The following PCM1 variants were observed in gnomAD, a reference collection of about 807,000 sequenced individuals.
PCM1 encodes the protein pericentriolar material 1.
In PCM1, 157 loss-of-function variants were observed where a neutral mutation model predicts 241.9. That is an observed-to-expected ratio of 0.65 (90% CI 0.57 to 0.74). PCM1 has a LOEUF of 0.74. Among genes scored for constraint, PCM1 ranks in the 30% least tolerant of loss-of-function variants. The pLI, the probability that PCM1 is intolerant of heterozygous loss-of-function variation, is 0.00. For synonymous variants in PCM1, 1,085 were observed against 784.9 expected, an observed-to-expected ratio of 1.38 and a Z score of -6.39; for missense variants, 3,478 against 2,360.1, an observed-to-expected ratio of 1.47 and a Z score of -9.81.
intron 1 of PCM1, 113 bp from the exon 2 acceptor site, chr8:17,924,600 C>G (rs2056158445): frequency 1.3e-5 from 2 of 152,066 alleles, no homozygotes; most frequent in African/African-American, 4.8e-5. Context: ...ATATTTTTCC[C>G]CTTCTTTTGA....
At position 17,959,625 on chromosome 8, in the gene PCM1, T is replaced by G. The variant is rs1014768450; in HGVS notation, c.2041-389T>G. ...ATTTCCGTATGTATTTATATTTCTA[T>G]ATGTATAGAATTTTTGATATGTATT... On this transcript the variant is annotated intron_variant, in intron 13 of 38. Coordinates refer to ENST00000325083, the MANE Select transcript of PCM1 (RefSeq NM_006197.4). 3.3e-5 allele frequency among the ~76,000 whole-genome samples: 5 copies of G among 152,170 alleles called. 1 individual carries two copies. In the South Asian group the frequency reaches 8.3e-4, roughly 25 times the overall value.
chr8:18,005,372 T>TTA (rs1554755211), intron 29 of PCM1, among the ~76,000 whole-genome samples: 2 of 151,206 alleles, frequency 1.3e-5, no homozygotes, highest in African/African-American at 4.9e-5. Flanking sequence ...TTTTTTTTTT[T>TTA]AAATCGCCTG....
intron 7 of PCM1, among the ~76,000 whole-genome samples, chr8:17,947,672 G>A (rs553905159): frequency 1.3e-5 from 2 of 152,194 alleles, no homozygotes; most frequent in East Asian, 1.9e-4. Flanking sequence ...CTCATGATGC[G>A]TTTATTTCCT....
chr8:18,000,115 A>G (rs148888393), intron 29 of PCM1, among the ~76,000 whole-genome samples: 48 of 152,328 alleles, frequency 3.2e-4, no homozygotes, highest in African/African-American at 1.1e-3. Context: ...ATGAGGGAAC[A>G]TTTAAGTAGA....
chr8:17,992,501 A>G (rs922207917), intron 28 of PCM1, among the ~76,000 whole-genome samples: 5 of 151,860 alleles, frequency 3.3e-5, no homozygotes, highest in African/African-American at 1.2e-4. Flanking sequence ...TTTCCTGATA[A>G]TTAGTGATGT....
chr8:17,956,837 G>T, intron 11 of PCM1, 60 bp downstream of exon 11: 4 of 1,285,030 alleles, frequency 3.1e-6, no homozygotes, highest in Non-Finnish European at 4.4e-6. Context: ...TACTTATAAT[G>T]TGGGAACAAA....
chr8:17,961,294 T>G (rs984199243), intron 15 of PCM1, among the ~76,000 whole-genome samples: 72 of 149,822 alleles, frequency 4.8e-4, no homozygotes, highest in Non-Finnish European at 7.8e-4. Flanking sequence ...TCCCAGAGTT[T>G]ATTGGCTAGC....
At chr8:17,990,436 A>G (rs894523653) in intron 27 of PCM1, among the ~76,000 whole-genome samples, 3 of 151,162 alleles carry the variant, frequency 2.0e-5, no homozygotes, top group South Asian at 2.1e-4. Context: ...ACCTCAAGTA[A>G]TTCTCAGGCA....
Position 17,952,982 on chromosome 8 carries a change from C to G in PCM1, c.1084C>G (p.Pro362Ala). Residue 362 changes from proline (P) to alanine (A), a missense_variant, in exon 9 of 39, where the codon CCA becomes GCA. Physicochemically the swap from Pro to Ala is conservative, Grantham distance 27. Transcript: ENST00000325083. ...QLRDSQPPAV[P>A]DNRRQAESLS... ...TTTTTTTAATAAGCCTCCAGCTGTT[C>G]CAGACAATAGAAGACAGGCAGAAAG... 1 of 1,583,318 alleles carries G rather than the reference C, an allele frequency of 6.3e-7. No individual in the cohort carries two copies. The highest frequency in any genetic ancestry group is 1.7e-4 in the Middle Eastern group (1 of 5,952).
At chr8:18,026,113 G>C (rs954678038) in intron 38 of PCM1, among the ~76,000 whole-genome samples, 3 of 133,314 alleles carry the variant, frequency 2.3e-5, no homozygotes, top group Non-Finnish European at 3.1e-5. Context: ...GCGGTGAGCT[G>C]AGATAGCGCC....
At chr8:18,019,065 T>A (rs62498203) in intron 36 of PCM1, among the ~76,000 whole-genome samples, 69,855 of 151,200 alleles carry the variant, frequency 0.46, 17,679 homozygotes, top group Middle Eastern at 0.59. Context: ...AGTGTAATCT[T>A]TCTTTCCTCT....
intron 3 of PCM1, among the ~76,000 whole-genome samples, chr8:17,936,422 T>C (rs1563672450): frequency 6.6e-6 from 1 of 152,228 alleles, no homozygotes; most frequent in Non-Finnish European, 1.5e-5. Context: ...AGTGGGAATT[T>C]ACAGACCTTT....
chr8:17,974,920 A>T (rs1204117577), intron 23 of PCM1, among the ~76,000 whole-genome samples: 2 of 152,004 alleles, frequency 1.3e-5, no homozygotes, highest in Non-Finnish European at 2.9e-5. Flanking sequence ...GCAGAATCAA[A>T]CTATACATAG....
chr8:17,994,954 T>C (rs2086130941), intron 29 of PCM1, among the ~76,000 whole-genome samples: 1 of 151,484 alleles, frequency 6.6e-6, no homozygotes, highest in African/African-American at 2.5e-5. Context: ...GGTTTGCACA[T>C]ATTTTCTCTC....
intron 23 of PCM1, among the ~76,000 whole-genome samples, chr8:17,973,800 T>C (rs185821605): frequency 8.7e-4 from 133 of 152,236 alleles, no homozygotes; most frequent in African/African-American, 3.0e-3. Context: ...TGCACACTGC[T>C]AACTCCCTTT....
chr8:18,025,123 GC>G (rs1339013231), intron 36 of PCM1: 5 of 338,956 alleles, frequency 1.5e-5, no homozygotes, highest in African/African-American at 2.5e-5. Context: ...TGTATGAACT[GC>G]CCCCCTGCCT....
intron 26 of PCM1, among the ~76,000 whole-genome samples, chr8:17,987,796 T>G (rs1171668986): frequency 1.3e-5 from 2 of 151,878 alleles, no homozygotes; most frequent in Non-Finnish European, 3.0e-5. Context: ...GTCTGCATTG[T>G]CTAATGCTGT....
chr8:17,973,056 ATTAGT>A (rs909370356), intron 23 of PCM1, among the ~76,000 whole-genome samples: 4 of 152,040 alleles, frequency 2.6e-5, no homozygotes, highest in African/African-American at 9.7e-5. Context: ...TTCTTGATTG[ATTAGT>A]TTAAAGAATA....
intron 36 of PCM1, among the ~76,000 whole-genome samples, chr8:18,021,993 A>G (rs903151165): frequency 7.2e-5 from 11 of 152,322 alleles, no homozygotes; most frequent in African/African-American, 1.7e-4. Context: ...ACTGGCTTCC[A>G]TAACTTAGAA....
Sources: allele counts gnomAD v4.1 joint callset (sites outside exome capture counted in the v4.1 genomes callset), GRCh38; gene constraint gnomAD v4.1.1; transcripts MANE v1.5; gene names NCBI Gene and HGNC (gene_info 2026-07-23, HGNC 2026-07-21).